FAM118B: variants seen among roughly 807,000 people sequenced by gnomAD.
FAM118B encodes the protein SIR2 antiphage like 1.
Under a neutral mutation model 38.5 loss-of-function variants are expected in FAM118B, and 24 were observed. That is an observed-to-expected ratio of 0.62 (90% CI 0.45 to 0.88). The LOEUF is 0.88. Ranked by LOEUF, FAM118B falls within the 40% of genes least tolerant of loss-of-function variation. The probability of loss-of-function intolerance (pLI) is 0.00; values close to 1 mark genes in which losing one functional copy is unlikely to be tolerated. For missense variants in FAM118B, 334 were observed against 420.0 expected (o/e 0.80, Z 1.79); for synonymous variants, 138 against 156.3 (o/e 0.88, Z 0.87).
intron 1 of FAM118B, among the ~76,000 whole-genome samples, chr11:126,225,103 G>A (rs1038985530): frequency 6.6e-6 from 1 of 152,218 alleles, no homozygotes; most frequent in Non-Finnish European, 1.5e-5. Context: ...GCTCTACTTT[G>A]CAGCAGAGGA....
chr11:126,254,630 C>T (rs1019205842), intron 6 of FAM118B, among the ~76,000 whole-genome samples, 197 bp downstream of exon 6: 8 of 152,170 alleles, frequency 5.3e-5, no homozygotes, highest in Admixed American at 2.0e-4. Flanking sequence ...GCCAGGAGTT[C>T]GAGACCAGCC....
rs1950726456 is a variant in FAM118B at position 126,262,667 on chromosome 11, A to ACTTTTAGAG, written c.*535_*543dup. ...ATTTACTTGCCAGGACCCTGGCTCTACTTTTAGAGTCATTGTAAGAAACTC... is the reference window on the plus strand; with the variant it reads ...ATTTACTTGCCAGGACCCTGGCTCTACTTTTAGAGCTTTTAGAGTCATTGTAAGAAACTC... On this transcript the variant is annotated 3_prime_UTR_variant, in exon 9 of 9. Coordinates refer to ENST00000533050, the MANE Select transcript of FAM118B (RefSeq NM_024556.4). The ACTTTTAGAG allele has an allele frequency of 1.3e-5, 2 of 152,860 alleles. No individual in the cohort carries two copies. The highest frequency in any genetic ancestry group is 4.8e-5 in the African/African-American group (2 of 41,468). 9.5% of individuals were successfully genotyped at this position (152,860 alleles called of 1,614,324 possible).
At position 126,221,048 on chromosome 11, in the gene FAM118B, A is replaced by G. The variant is rs535741884; in HGVS notation, c.-76-8177A>G. Reference sequence around the variant, plus strand: ...CTAAAAATACAAAAATTAGCCAAACATGGTGGCGTGGGCCTGTAATCCCAG... The same window carrying G: ...CTAAAAATACAAAAATTAGCCAAACGTGGTGGCGTGGGCCTGTAATCCCAG... On this transcript the variant is annotated intron_variant, in intron 1 of 8. Transcript: ENST00000533050. Among the ~76,000 whole-genome samples the G allele has an allele frequency of 3.3e-5, 5 of 152,152 alleles. No individual in the cohort carries two copies. The South Asian group carries it at 1.0e-3, about 32-fold the overall frequency.
intron 1 of FAM118B, among the ~76,000 whole-genome samples, chr11:126,219,189 C>T (rs566788077): frequency 6.6e-6 from 1 of 152,008 alleles, no homozygotes; most frequent in Non-Finnish European, 1.5e-5. Context: ...TAATAGCGTA[C>T]TTTGAAAAAG....
rs1349882721 is a variant in FAM118B, at chr11:126,250,515, A to G, written c.349A>G (p.Asn117Asp). The change falls in exon 5 of 9, where the codon AAT (asparagine) becomes GAT (aspartate). Residue 117 changes from asparagine (N) to aspartate (D), a missense_variant. Physicochemically the swap from Asn to Asp is conservative, Grantham distance 23 (BLOSUM62 1). Around this residue, in one of 3 missense-constraint regions of FAM118B, gnomAD observed 240 missense variants for 295.9 expected, o/e 0.81. Coordinates refer to ENST00000533050, the MANE Select transcript of FAM118B (RefSeq NM_024556.4). This position sits in a 1 kb window ranked among gnomAD's most constrained non-coding sequence, Gnocchi z 5.1. ...LIQKLSPRTSNVRSTFFKDCL... is the reference protein window; with the variant it reads ...LIQKLSPRTSDVRSTFFKDCL... ...TCAAATCCCTCCTCAGCGTACCAGT[A>G]ATGTTCGATCCACATTTTTCAAGGA... The G allele has an allele frequency of 6.2e-7, 1 of 1,612,914 alleles. No individual in the cohort carries two copies. Among genetic ancestry groups the G allele is most frequent in the Admixed American group, 1.7e-5 (1 of 60,006 alleles).
intron 4 of FAM118B, among the ~76,000 whole-genome samples, chr11:126,246,741 T>G (rs575898959): frequency 8.5e-5 from 13 of 152,218 alleles, no homozygotes; most frequent in Admixed American, 5.2e-4. Flanking sequence ...ATGCCAATTT[T>G]TTGTTTCTTG....
intron 4 of FAM118B, among the ~76,000 whole-genome samples, chr11:126,243,972 A>G (rs1950390949): frequency 6.6e-6 from 1 of 152,134 alleles, no homozygotes; most frequent in African/African-American, 2.4e-5. Context: ...ACAAAACCAC[A>G]TGATTTTCTC....
intron 7 of FAM118B, among the ~76,000 whole-genome samples, chr11:126,257,358 A>G (rs577873820): frequency 7.4e-4 from 112 of 152,160 alleles, no homozygotes; most frequent in Non-Finnish European, 1.2e-3. Context: ...CAATCACACA[A>G]TTGTACAAAG....
At chr11:126,260,594 G>GT (rs1168990116) in intron 7 of FAM118B, 1 of 152,050 alleles carries the variant, frequency 6.6e-6, no homozygotes, top group Non-Finnish European at 1.5e-5. Flanking sequence ...AATAACATCT[G>GT]TATCTCTTCA....
chr11:126,262,267 A>G lies in FAM118B; in HGVS notation c.*134A>G, dbSNP rs2135231047. ...ATAGCCAGAGGTTGAAGGGCGGGGT[A>G]GAAGAGGGGGGAATGTTGCAGCGTA... On this transcript the variant is annotated 3_prime_UTR_variant, in exon 9 of 9. Coordinates refer to ENST00000533050, the MANE Select transcript of FAM118B (RefSeq NM_024556.4). 1.1e-6 allele frequency: 1 copy of G among 882,278 alleles called. No homozygotes were observed. 54.7% of individuals were successfully genotyped at this position (882,278 alleles called of 1,614,324 possible).
In FAM118B at chr11:126,255,181, C is replaced by T. The variant is rs896906303; in HGVS notation, c.696+748C>T. 2.0e-5 allele frequency among the ~76,000 whole-genome samples: 3 copies of T among 152,184 alleles called. No homozygotes were observed. The highest frequency in any genetic ancestry group is 7.2e-5 in the African/African-American group (3 of 41,454). ...TTAACCACATTTATTCACACTTACT[C>T]TTTGTGAAAAGCTTATTGATCTTTT... is the stretch of plus-strand genomic sequence containing the variant. On this transcript the variant is annotated intron_variant, in intron 6 of 8. Coordinates refer to ENST00000533050, the MANE Select transcript of FAM118B (RefSeq NM_024556.4). The surrounding 1 kb of genome is among the most constrained non-coding windows in gnomAD (Gnocchi z 4.6).
chr11:126,235,211 T>A, intron 3 of FAM118B, 124 bp downstream of exon 3: 1 of 757,904 alleles, frequency 1.3e-6, no homozygotes, highest in Non-Finnish European at 2.2e-6. Flanking sequence ...TACTCAAAAT[T>A]AAATTGTTTT....
chr11:126,238,544 C>T (rs762461929), intron 3 of FAM118B, among the ~76,000 whole-genome samples: 3 of 152,156 alleles, frequency 2.0e-5, no homozygotes, highest in Non-Finnish European at 4.4e-5. Flanking sequence ...AAAGCTTCCT[C>T]TGGGGAAAGA....
At chr11:126,239,019 C>A (rs934758068) in intron 3 of FAM118B, among the ~76,000 whole-genome samples, 2 of 145,938 alleles carry the variant, frequency 1.4e-5, no homozygotes, top group African/African-American at 2.6e-5. Context: ...GTCACCCAGG[C>A]TGGAGTGCAG....
intron 1 of FAM118B, among the ~76,000 whole-genome samples, chr11:126,213,407 C>T (rs987178326): frequency 1.3e-5 from 2 of 152,184 alleles, no homozygotes; most frequent in Non-Finnish European, 2.9e-5. Flanking sequence ...TCTGTTTCTC[C>T]TGTTCCCCAC....
At position 126,244,893 on chromosome 11, in the gene FAM118B, A is replaced by G. The variant is rs1950401596; in HGVS notation, c.339+3849A>G. On this transcript the variant is annotated intron_variant, in intron 4 of 8. Coordinates refer to ENST00000533050, the MANE Select transcript of FAM118B (RefSeq NM_024556.4). This position sits in a 1 kb window ranked among gnomAD's most constrained non-coding sequence, Gnocchi z 4.5. ...AGAAGATCTAAATAAATGGAAAGACATGCCATGTTCCTGAATCAGAAGACT... is the reference window on the plus strand; with the variant it reads ...AGAAGATCTAAATAAATGGAAAGACGTGCCATGTTCCTGAATCAGAAGACT... 1 of 152,220 alleles carries G rather than the reference A, an allele frequency of 6.6e-6. No homozygotes were observed. The highest frequency in any genetic ancestry group is 2.4e-5 in the African/African-American group (1 of 41,446). 9.4% of individuals were successfully genotyped at this position (152,220 alleles called of 1,614,324 possible). A position where few individuals can be genotyped will look rare whatever the true frequency, so the allele number is the denominator to read the frequency against.
chr11:126,221,610 C>T (rs562009595), intron 1 of FAM118B, among the ~76,000 whole-genome samples: 1 of 152,112 alleles, frequency 6.6e-6, no homozygotes, highest in South Asian at 2.1e-4. Flanking sequence ...CCACCGAGAT[C>T]TGAACTGAAG....
At chr11:126,230,561 A>G (rs1950195487) in intron 2 of FAM118B, among the ~76,000 whole-genome samples, 1 of 152,250 alleles carries the variant, frequency 6.6e-6, no homozygotes, top group Non-Finnish European at 1.5e-5. Context: ...ACAGCAAGAA[A>G]CGTACCACTT....
intron 8 of FAM118B, 68 bp from the exon 9 acceptor site, chr11:126,262,049 TATC>T: frequency 6.8e-7 from 1 of 1,478,032 alleles, no homozygotes; most frequent in Non-Finnish European, 9.5e-7. Context: ...TTGACTTAAG[TATC>T]TGCAGCTTCC....
Sources: allele counts gnomAD v4.1 joint callset (sites outside exome capture counted in the v4.1 genomes callset), GRCh38; gene constraint gnomAD v4.1.1; regional missense constraint gnomAD v4.1.1; non-coding constraint Gnocchi (gnomAD v3.1); transcripts MANE v1.5; gene names NCBI Gene and HGNC (gene_info 2026-07-23, HGNC 2026-07-21).